Variants in TUT4 observed in about 807,000 individuals in gnomAD.
TUT4 encodes terminal uridylyl transferase 4, also known as terminal uridylyltransferase 4.
Under a neutral mutation model 192.2 loss-of-function variants are expected in TUT4, and 36 were observed. That is an observed-to-expected ratio of 0.19 (90% CI 0.14 to 0.25). The LOEUF (loss-of-function observed/expected upper bound fraction) is 0.25. Ranked by LOEUF, TUT4 falls within the 10% of genes least tolerant of loss-of-function variation. The pLI is 1.00. For synonymous variants in TUT4, 618 were observed against 666.0 expected (o/e 0.93, Z 1.11); for missense variants, 1,493 against 1,957.2 (o/e 0.76, Z 4.47).
In TUT4 at chr1:52,516,141, C is replaced by T; in HGVS notation, c.719-87G>A. ...GGAAAACAGACATTAAATTTATACACAGAAAAAATATTATTTCCTTATATT... is the reference window on the plus strand; with the variant it reads ...GGAAAACAGACATTAAATTTATACATAGAAAAAATATTATTTCCTTATATT... On this transcript the variant is annotated intron_variant, in intron 2 of 29. Coordinates refer to ENST00000257177, the MANE Select transcript of TUT4 (RefSeq NM_001009881.3). 3 of 1,027,124 alleles carry T rather than the reference C, an allele frequency of 2.9e-6. No homozygotes were observed. The South Asian group carries it at 4.9e-5, about 17-fold the overall frequency. The allele number at this position is 1,027,124 out of a possible 1,614,324, so 63.6% of individuals were successfully genotyped here.
chr1:52,482,068 CTAAAA>C, intron 9 of TUT4, 145 bp from the exon 10 acceptor site: 3 of 540,194 alleles, frequency 5.6e-6, no homozygotes, highest in Middle Eastern at 5.7e-4. Flanking sequence ...TATCATCACT[CTAAAA>C]TAACCATTAA....
At chr1:52,531,570 G>A (rs1683424887) in intron 1 of TUT4, among the ~76,000 whole-genome samples, 1 of 152,104 alleles carries the variant, frequency 6.6e-6, no homozygotes, top group South Asian at 2.1e-4. Context: ...ATACAAAGTA[G>A]GCACCCAATA....
intron 12 of TUT4, among the ~76,000 whole-genome samples, chr1:52,476,389 G>A (rs1362209707): frequency 1.3e-5 from 2 of 152,160 alleles, no homozygotes; most frequent in Non-Finnish European, 2.9e-5. Context: ...TCTTGACACA[G>A]CTGCATCCTT....
At chr1:52,502,746 T>C (rs1293841237) in intron 4 of TUT4, among the ~76,000 whole-genome samples, 1 of 150,058 alleles carries the variant, frequency 6.7e-6, no homozygotes, top group Non-Finnish European at 1.5e-5. Flanking sequence ...CCTAAGCCTC[T>C]CAAGTAGCTG....
At chr1:52,500,225 T>C (rs1353509478) in intron 4 of TUT4, among the ~76,000 whole-genome samples, 1 of 152,158 alleles carries the variant, frequency 6.6e-6, no homozygotes, top group Non-Finnish European at 1.5e-5. Context: ...GACAGTTTTT[T>C]CAACAAATGT....
intron 1 of TUT4, among the ~76,000 whole-genome samples, chr1:52,542,761 ATTTAT>A (rs1003905545): frequency 5.8e-4 from 86 of 147,534 alleles, no homozygotes; most frequent in Non-Finnish European, 9.6e-4. Context: ...TTATTTATTT[ATTTAT>A]TTATTTTTTT....
At position 52,424,076 on chromosome 1, in the gene TUT4, G is replaced by C. The variant is rs566191730; in HGVS notation, c.4871-74C>G. 3.1e-5 allele frequency: 45 copies of C among 1,436,390 alleles called. No homozygotes were observed. In the East Asian group the frequency reaches 9.9e-4, roughly 32 times the overall value. 89.0% of individuals were successfully genotyped at this position (1,436,390 alleles called of 1,614,324 possible). On this transcript the variant is annotated intron_variant, in intron 29 of 29. Coordinates refer to ENST00000257177, the MANE Select transcript of TUT4 (RefSeq NM_001009881.3). ...TCTGACAACACCTTAGAATTAACTTGTAGTTAGCTTTCTTTTTTTCTATTT... is the reference window on the plus strand; with the variant it reads ...TCTGACAACACCTTAGAATTAACTTCTAGTTAGCTTTCTTTTTTTCTATTT...
Position 52,493,629 on chromosome 1 carries a change from C to T in TUT4, c.1300G>A (p.Gly434Arg), listed in dbSNP as rs775169660. The T allele has an allele frequency of 6.7e-7, 1 of 1,493,114 alleles. No individual in the cohort carries two copies. The highest frequency in any genetic ancestry group is 9.1e-7 in the Non-Finnish European group (1 of 1,101,218). 92.5% of individuals were successfully genotyped at this position (1,493,114 alleles called of 1,614,324 possible). The change falls in exon 7 of 30, where the codon GGG becomes AGG. Residue 434 changes from glycine to arginine, a missense_variant. Transcript: ENST00000257177. ...NHPDLLIKVLGILKKNVLYVD... is the reference protein window; with the variant it reads ...NHPDLLIKVLRILKKNVLYVD... ...AACTCACCATTTTTCTTTAAAATCCCAAGTACTTTTATCAGAAGATCTGGA... is the reference window on the plus strand; with the variant it reads ...AACTCACCATTTTTCTTTAAAATCCTAAGTACTTTTATCAGAAGATCTGGA...
At chr1:52,531,832 A>C (rs1683499456) in intron 1 of TUT4, among the ~76,000 whole-genome samples, 1 of 146,854 alleles carries the variant, frequency 6.8e-6, no homozygotes, top group Non-Finnish European at 1.5e-5. Context: ...TAGCACTTAA[A>C]CCTATTTATG....
At chr1:52,550,509 T>G (rs1239509108) in intron 1 of TUT4, among the ~76,000 whole-genome samples, 2 of 150,700 alleles carry the variant, frequency 1.3e-5, no homozygotes, top group African/African-American at 4.9e-5. Context: ...TTTTTTTTTT[T>G]TTTTTTTGTT....
chr1:52,460,171 T>G (rs1182336650), intron 19 of TUT4, among the ~76,000 whole-genome samples: 1 of 152,136 alleles, frequency 6.6e-6, no homozygotes, highest in Non-Finnish European at 1.5e-5. Context: ...CACTCTTGTC[T>G]AGAAAGACAT....
At chr1:52,449,082 CAG>C (rs1261456862) in intron 20 of TUT4, among the ~76,000 whole-genome samples, 51 of 151,728 alleles carry the variant, frequency 3.4e-4, no homozygotes, top group East Asian at 1.9e-3. Context: ...CACACACACA[CAG>C]ACACACACAC....
intron 28 of TUT4, among the ~76,000 whole-genome samples, chr1:52,429,083 T>G (rs932110733): frequency 8.1e-5 from 10 of 123,152 alleles, no homozygotes; most frequent in Admixed American, 7.1e-4. Flanking sequence ...CCATAATAGG[T>G]TTTTTTTTTT....
chr1:52,472,807 A>G (rs1191654581), intron 13 of TUT4, among the ~76,000 whole-genome samples: 2 of 152,044 alleles, frequency 1.3e-5, no homozygotes, highest in African/African-American at 2.4e-5. Context: ...AAAGAAACAC[A>G]TATGTTTAAA....
intron 19 of TUT4, 75 bp downstream of exon 19, chr1:52,461,059 T>G: frequency 7.7e-7 from 1 of 1,293,616 alleles, no homozygotes; most frequent in Non-Finnish European, 1.1e-6. Context: ...ACAAAATTTT[T>G]CACAAATCTG....
intron 1 of TUT4, among the ~76,000 whole-genome samples, chr1:52,547,238 T>A (rs1245842356): frequency 6.6e-6 from 1 of 150,596 alleles, no homozygotes; most frequent in Non-Finnish European, 1.5e-5. Context: ...GGTAAAGGAT[T>A]TGAATAGGTA....
intron 20 of TUT4, among the ~76,000 whole-genome samples, chr1:52,453,743 A>G (rs1365357917): frequency 1.3e-5 from 2 of 152,234 alleles, no homozygotes; most frequent in African/African-American, 2.4e-5. Flanking sequence ...TGGAAGTTCT[A>G]GCTAATGCAA....
At chr1:52,452,967 T>C (rs565364325) in intron 20 of TUT4, among the ~76,000 whole-genome samples, 91 of 152,278 alleles carry the variant, frequency 6.0e-4, no homozygotes, top group African/African-American at 1.1e-3. Flanking sequence ...CAGAATTGAA[T>C]TGGAGGACAC....
At chr1:52,536,800 G>A (rs1345128463) in intron 1 of TUT4, among the ~76,000 whole-genome samples, 1 of 152,090 alleles carries the variant, frequency 6.6e-6, no homozygotes, top group Non-Finnish European at 1.5e-5. Flanking sequence ...GTTGCAGTGA[G>A]CCGAGACTGT....
Sources: allele counts gnomAD v4.1 joint callset (sites outside exome capture counted in the v4.1 genomes callset), GRCh38; gene constraint gnomAD v4.1.1; transcripts MANE v1.5; gene names NCBI Gene and HGNC (gene_info 2026-07-23, HGNC 2026-07-21).